CNTNAP5: variants seen among roughly 807,000 people sequenced by gnomAD.
The protein encoded by CNTNAP5 is contactin-associated protein-like 5.
CNTNAP5 carries 72 observed loss-of-function variants against 150.2 expected under a neutral mutation model. That is an observed-to-expected ratio of 0.48 (90% CI 0.40 to 0.58). The LOEUF is 0.58. Ranked by LOEUF, CNTNAP5 falls within the 20% of genes least tolerant of loss-of-function variation. CNTNAP5 has a pLI of 0.00. For synonymous variants in CNTNAP5, 672 were observed against 619.8 expected, an observed-to-expected ratio of 1.08 and a Z score of -1.25; for missense variants, 1,636 against 1,626.2, an observed-to-expected ratio of 1.01 and a Z score of -0.10.
intron 3 of CNTNAP5, among the ~76,000 whole-genome samples, chr2:124,380,089 C>T (rs1001551853): frequency 6.6e-5 from 10 of 152,012 alleles, no homozygotes; most frequent in African/African-American, 1.9e-4. Flanking sequence ...TATTAATTTA[C>T]TGTTATAATT....
chr2:124,534,577 C>A (rs1695185861), intron 10 of CNTNAP5, among the ~76,000 whole-genome samples: 2 of 152,256 alleles, frequency 1.3e-5, no homozygotes, highest in South Asian at 4.2e-4. Context: ...TTCTCCCACA[C>A]ACATTCATTT....
At chr2:124,873,015 A>T (rs1677784476) in intron 21 of CNTNAP5, among the ~76,000 whole-genome samples, 1 of 152,140 alleles carries the variant, frequency 6.6e-6, no homozygotes, top group Non-Finnish European at 1.5e-5. Flanking sequence ...CCATTTTGGC[A>T]TTGCCATAAA....
At chr2:124,266,970 ATTT>A (rs70996057) in intron 3 of CNTNAP5, among the ~76,000 whole-genome samples, 1 of 148,688 alleles carries the variant, frequency 6.7e-6, no homozygotes, top group African/African-American at 2.5e-5. Flanking sequence ...TAGATGAGAG[ATTT>A]TTTTTTTTTT....
chr2:124,315,510 AC>A (rs1490295807), intron 3 of CNTNAP5, among the ~76,000 whole-genome samples: 2 of 152,140 alleles, frequency 1.3e-5, no homozygotes, highest in African/African-American at 4.8e-5. Flanking sequence ...GAGCTGCTCC[AC>A]TTCTCTGTTT....
intron 3 of CNTNAP5, among the ~76,000 whole-genome samples, chr2:124,265,243 C>A (rs540886243): frequency 6.6e-6 from 1 of 152,262 alleles, no homozygotes; most frequent in East Asian, 1.9e-4. Flanking sequence ...ATCCCTTAAG[C>A]GAGAACTGTA....
intron 3 of CNTNAP5, among the ~76,000 whole-genome samples, chr2:124,315,573 T>G (rs1688941456): frequency 6.6e-6 from 1 of 152,182 alleles, no homozygotes; most frequent in African/African-American, 2.4e-5. Flanking sequence ...GTAATTTAAT[T>G]TAATGTTTAG....
chr2:124,478,883 G>A (rs1235877022), intron 7 of CNTNAP5, among the ~76,000 whole-genome samples: 1 of 152,188 alleles, frequency 6.6e-6, no homozygotes, highest in Non-Finnish European at 1.5e-5. Flanking sequence ...AAGGCCCACG[G>A]AAGCTCCAGC....
intron 3 of CNTNAP5, among the ~76,000 whole-genome samples, chr2:124,299,504 CA>C (rs1421122269): frequency 2.0e-5 from 3 of 152,176 alleles, no homozygotes; most frequent in Non-Finnish European, 2.9e-5. Flanking sequence ...CATGTCTCTG[CA>C]AAGGACATGA....
At chr2:124,227,684 A>C (rs1686499338) in intron 2 of CNTNAP5, among the ~76,000 whole-genome samples, 1 of 121,570 alleles carries the variant, frequency 8.2e-6, no homozygotes. Flanking sequence ...GTGTGTATTA[A>C]ACTTATTAAG....
At chr2:124,168,580 A>T (rs1414192896) in intron 1 of CNTNAP5, among the ~76,000 whole-genome samples, 3 of 152,160 alleles carry the variant, frequency 2.0e-5, no homozygotes, top group African/African-American at 7.2e-5. Flanking sequence ...TCCCCTTAAT[A>T]CTTTCAAATA....
intron 1 of CNTNAP5, among the ~76,000 whole-genome samples, chr2:124,064,827 G>T (rs1009974864): frequency 1.8e-4 from 27 of 151,928 alleles, no homozygotes; most frequent in East Asian, 1.9e-4. Flanking sequence ...TCCCACCACC[G>T]GGAATGCCAT....
intron 13 of CNTNAP5, among the ~76,000 whole-genome samples, chr2:124,724,534 T>C (rs903299179): frequency 2.0e-5 from 3 of 152,172 alleles, no homozygotes; most frequent in African/African-American, 7.2e-5. Flanking sequence ...TGATAGCCTA[T>C]GCTCAAATCA....
intron 3 of CNTNAP5, among the ~76,000 whole-genome samples, chr2:124,270,467 G>C (rs1039582402): frequency 6.6e-6 from 1 of 152,132 alleles, no homozygotes; most frequent in Admixed American, 6.6e-5. Context: ...CAAAAATAAA[G>C]CTCCTAGGTC....
At chr2:124,322,941 T>C (rs1689134849) in intron 3 of CNTNAP5, among the ~76,000 whole-genome samples, 1 of 152,214 alleles carries the variant, frequency 6.6e-6, no homozygotes, top group Non-Finnish European at 1.5e-5. Context: ...TTCTGTAATA[T>C]AGAAATATTA....
At chr2:124,429,713 C>T (rs1692323830) in intron 4 of CNTNAP5, among the ~76,000 whole-genome samples, 1 of 152,210 alleles carries the variant, frequency 6.6e-6, no homozygotes, top group Non-Finnish European at 1.5e-5. Context: ...CGTGCATCCT[C>T]TCTGCACCAA....
intron 3 of CNTNAP5, among the ~76,000 whole-genome samples, chr2:124,277,343 A>T (rs1030254430): frequency 3.3e-5 from 5 of 152,112 alleles, no homozygotes; most frequent in African/African-American, 1.2e-4. Context: ...GCTTTTATTG[A>T]TTGCACTTGT....
At chr2:124,538,033 T>G (rs1001008809) in intron 10 of CNTNAP5, among the ~76,000 whole-genome samples, 1 of 152,112 alleles carries the variant, frequency 6.6e-6, no homozygotes, top group African/African-American at 2.4e-5. Context: ...ATGAGCCAGG[T>G]GAATTATCAC....
chr2:124,066,732 A>G (rs1160912379), intron 1 of CNTNAP5, among the ~76,000 whole-genome samples: 2 of 152,192 alleles, frequency 1.3e-5, no homozygotes, highest in Non-Finnish European at 2.9e-5. Flanking sequence ...GAGATTAAAT[A>G]GACATCATAA....
chr2:124,631,959 A>G (rs191037252), intron 12 of CNTNAP5, among the ~76,000 whole-genome samples: 41 of 152,338 alleles, frequency 2.7e-4, no homozygotes, highest in African/African-American at 9.4e-4. Context: ...AAACATGAAA[A>G]TAAAGCTCAA....
Sources: allele counts gnomAD v4.1 joint callset (sites outside exome capture counted in the v4.1 genomes callset), GRCh38; gene constraint gnomAD v4.1.1; transcripts MANE v1.5; gene names NCBI Gene and HGNC (gene_info 2026-07-23, HGNC 2026-07-21).